TTC28: variants seen among roughly 807,000 people sequenced by gnomAD.
The protein encoded by TTC28 is tetratricopeptide repeat protein 28.
TTC28 carries 61 observed loss-of-function variants against 198.0 expected under a neutral mutation model. The observed-to-expected ratio is 0.31, with a 90% CI of 0.25 to 0.38. The LOEUF is 0.38. Among genes scored for constraint, TTC28 ranks in the 10% least tolerant of loss-of-function variants. The probability of loss-of-function intolerance (pLI) is 1.00; values close to 1 mark genes in which losing one functional copy is unlikely to be tolerated. For synonymous variants in TTC28, 1,171 were observed against 1,297.8 expected, an observed-to-expected ratio of 0.90 and a Z score of 2.10; for missense variants, 2,678 against 3,164.0, an observed-to-expected ratio of 0.85 and a Z score of 3.69.
At chr22:28,233,803 G>A (rs926476049) in intron 5 of TTC28, among the ~76,000 whole-genome samples, 62 of 152,204 alleles carry the variant, frequency 4.1e-4, no homozygotes, top group Admixed American at 4.1e-3. Flanking sequence ...GGAGTGCAGT[G>A]GCGCAATCTC....
At chr22:28,328,796 A>G (rs1429238770) in intron 2 of TTC28, among the ~76,000 whole-genome samples, 2 of 139,776 alleles carry the variant, frequency 1.4e-5, no homozygotes, top group African/African-American at 2.7e-5. Flanking sequence ...TAATAATAAT[A>G]ATAATAATAT....
At chr22:28,249,778 G>A (rs1452173960) in intron 5 of TTC28, among the ~76,000 whole-genome samples, 1 of 152,172 alleles carries the variant, frequency 6.6e-6, no homozygotes, top group African/African-American at 2.4e-5. Flanking sequence ...ATGAGAGGAT[G>A]GATGTGTTTC....
intron 2 of TTC28, among the ~76,000 whole-genome samples, chr22:28,587,637 G>A (rs1185432505): frequency 2.6e-5 from 4 of 151,654 alleles, no homozygotes; most frequent in Non-Finnish European, 4.4e-5. Context: ...AATAGAGATC[G>A]GGTTTCACCA....
At chr22:28,393,054 T>C (rs2046759385) in intron 2 of TTC28, among the ~76,000 whole-genome samples, 1 of 151,972 alleles carries the variant, frequency 6.6e-6, no homozygotes, top group East Asian at 1.9e-4. Flanking sequence ...TTGTTTTATA[T>C]TTATTTTTTG....
chr22:28,513,344 A>G (rs1158105688), intron 2 of TTC28, among the ~76,000 whole-genome samples: 2 of 152,174 alleles, frequency 1.3e-5, no homozygotes, highest in Non-Finnish European at 2.9e-5. Flanking sequence ...ATTTACTTCT[A>G]CCCACTGCAT....
At chr22:28,534,285 T>G (rs1385656007) in intron 2 of TTC28, among the ~76,000 whole-genome samples, 1 of 152,122 alleles carries the variant, frequency 6.6e-6, no homozygotes, top group Non-Finnish European at 1.5e-5. Flanking sequence ...AAGAAGACAT[T>G]TATGCAGCCA....
At chr22:28,531,941 C>A (rs1243496077) in intron 2 of TTC28, among the ~76,000 whole-genome samples, 1 of 152,068 alleles carries the variant, frequency 6.6e-6, no homozygotes, top group East Asian at 1.9e-4. Context: ...GCACTAAATG[C>A]CCACAAGAGA....
At chr22:28,645,969 T>C (rs975120349) in intron 1 of TTC28, among the ~76,000 whole-genome samples, 8 of 152,124 alleles carry the variant, frequency 5.3e-5, no homozygotes, top group South Asian at 2.1e-4. Context: ...AACAACATAC[T>C]GAACGGGGAA....
At chr22:28,280,436 T>C (rs1271725975) in intron 5 of TTC28, among the ~76,000 whole-genome samples, 1 of 152,094 alleles carries the variant, frequency 6.6e-6, no homozygotes, top group Non-Finnish European at 1.5e-5. Context: ...CCTCCTGGGT[T>C]CAAGCGATTC....
intron 2 of TTC28, among the ~76,000 whole-genome samples, chr22:28,312,015 C>A (rs2045267330): frequency 6.8e-6 from 1 of 148,036 alleles, no homozygotes; most frequent in African/African-American, 2.5e-5. Flanking sequence ...GGAGGAAGAT[C>A]TACCAAGCAA....
chr22:28,567,152 T>C (rs1036686045), intron 2 of TTC28, among the ~76,000 whole-genome samples: 1 of 148,614 alleles, frequency 6.7e-6, no homozygotes, highest in African/African-American at 2.5e-5. Flanking sequence ...AAGGCAGAGA[T>C]TGCAGCGAGC....
At chr22:28,295,211 G>A in intron 5 of TTC28, among the ~76,000 whole-genome samples, 1 of 152,124 alleles carries the variant, frequency 6.6e-6, no homozygotes, top group East Asian at 1.9e-4. Flanking sequence ...ATGTTCCTGA[G>A]ACACGTAGTT....
At chr22:28,133,754 T>A (rs1441769629) in intron 6 of TTC28, among the ~76,000 whole-genome samples, 1 of 152,208 alleles carries the variant, frequency 6.6e-6, no homozygotes, top group Non-Finnish European at 1.5e-5. Context: ...CAAGGAGGCC[T>A]GCCTGCCTCT....
At chr22:28,422,914 G>A (rs1377025148) in intron 2 of TTC28, among the ~76,000 whole-genome samples, 1 of 152,008 alleles carries the variant, frequency 6.6e-6, no homozygotes, top group Non-Finnish European at 1.5e-5. Flanking sequence ...ACAATCAATG[G>A]ATGGTATAAA....
intron 1 of TTC28, among the ~76,000 whole-genome samples, chr22:28,644,215 C>T (rs563165323): frequency 5.2e-4 from 78 of 151,428 alleles, no homozygotes; most frequent in African/African-American, 1.9e-3. Context: ...CTGGCTAACA[C>T]GGTGAAACAC....
intron 2 of TTC28, among the ~76,000 whole-genome samples, chr22:28,494,701 A>C (rs1027044759): frequency 6.6e-6 from 1 of 152,136 alleles, no homozygotes; most frequent in African/African-American, 2.4e-5. Flanking sequence ...ATTCTAATAA[A>C]CTTCAGTTTA....
intron 5 of TTC28, among the ~76,000 whole-genome samples, chr22:28,166,946 G>A (rs1304199776): frequency 1.3e-5 from 2 of 152,114 alleles, no homozygotes; most frequent in Non-Finnish European, 2.9e-5. Flanking sequence ...AAGAAGAAAA[G>A]AGAGAAGAAT....
chr22:28,262,613 TTC>T (rs946788274), intron 5 of TTC28, among the ~76,000 whole-genome samples: 5 of 152,096 alleles, frequency 3.3e-5, no homozygotes, highest in African/African-American at 1.2e-4. Context: ...ACTATGAGAT[TTC>T]TGTCTTAAAA....
chr22:28,008,514 G>A (rs994992814), intron 14 of TTC28: 2 of 152,192 alleles, frequency 1.3e-5, no homozygotes, highest in African/African-American at 2.4e-5. Flanking sequence ...CTTGCTACCT[G>A]TCCTAGAACC....
Sources: gnomAD v4.1 joint callset for allele counts (sites outside exome capture counted in the v4.1 genomes callset) on GRCh38, gnomAD v4.1.1 for gene constraint, MANE v1.5 for transcripts, NCBI Gene and HGNC (gene_info 2026-07-23, HGNC 2026-07-21) for gene names.